Variants in PLAAT1 observed in about 807,000 individuals in gnomAD.
PLAAT1 encodes the protein H-REV107 protein-related protein.
A neutral mutation model predicts 16.4 loss-of-function variants in PLAAT1; 13 were observed. That is an observed-to-expected ratio of 0.79 (90% CI 0.52 to 1.26). PLAAT1 has a LOEUF of 1.26. PLAAT1 is among the 50% of genes most tolerant of loss of function. The probability of loss-of-function intolerance (pLI) is 0.00; values close to 1 mark genes in which losing one functional copy is unlikely to be tolerated. For synonymous variants in PLAAT1, 73 were observed against 78.4 expected, an observed-to-expected ratio of 0.93 and a Z score of 0.36; for missense variants, 218 against 207.8, an observed-to-expected ratio of 1.05 and a Z score of -0.30.
chr3:193,274,859 A>T (rs1054792815), downstream of PLAAT1: 11 of 753,480 alleles, frequency 1.5e-5, no homozygotes, highest in Non-Finnish European at 2.4e-5. Context: ...CTCATTGGTA[A>T]AGCATACAGT....
Position 193,255,717 on chromosome 3 carries a change from G to C in PLAAT1, c.67G>C (p.Val23Leu). The change falls in exon 2 of 4, where the codon GTG becomes CTG. Residue 23 changes from valine (V) to leucine (L), a missense_variant. Val to Leu is a conservative substitution (Grantham distance 32). Coordinates refer to ENST00000264735, the MANE Select transcript of PLAAT1 (RefSeq NM_020386.5). ...CCCCTGCCCAGGGGACTTGATCGAA[G>C]TGTTCCGTCCTGGCTATCAGCACTG... ...GNPCPGDLIE[V>L]FRPGYQHWAL... 2 of 1,613,340 alleles carry C rather than the reference G, an allele frequency of 1.2e-6. No homozygotes were observed. The highest frequency in any genetic ancestry group is 1.7e-6 in the Non-Finnish European group (2 of 1,179,530).
downstream of PLAAT1, among the ~76,000 whole-genome samples, chr3:193,274,325 GT>G (rs1424664248): frequency 6.6e-6 from 1 of 152,172 alleles, no homozygotes; most frequent in Non-Finnish European, 1.5e-5. Context: ...TCTTTTTACA[GT>G]TTATTTCATT....
At position 193,241,329 on chromosome 3, in the gene PLAAT1, A is replaced by C. The variant is rs1577294276; in HGVS notation, c.-205A>C. ...GCGGAGGGGCCGCCGGGACCGTTTCAGCGTGGCGGCGCTGGTGCTGGCGTT... is the reference window on the plus strand; with the variant it reads ...GCGGAGGGGCCGCCGGGACCGTTTCCGCGTGGCGGCGCTGGTGCTGGCGTT... On this transcript the variant is annotated 5_prime_UTR_variant, in exon 1 of 4. Coordinates refer to ENST00000264735, the MANE Select transcript of PLAAT1 (RefSeq NM_020386.5). The C allele has an allele frequency of 4.1e-6, 5 of 1,231,202 alleles. No homozygotes were observed. The highest frequency in any genetic ancestry group is 5.1e-6 in the Non-Finnish European group (5 of 987,718). The allele number at this position is 1,231,202 out of a possible 1,614,324, so 76.3% of individuals were successfully genotyped here.
At chr3:193,276,338 A>G (rs1225224833) in intron 2 of PLAAT1, among the ~76,000 whole-genome samples, 2 of 152,356 alleles carry the variant, frequency 1.3e-5, no homozygotes, top group East Asian at 1.9e-4. Context: ...GGAATTGACT[A>G]GAATAAGCAA....
chr3:193,244,379 A>G (rs1207099926), intron 1 of PLAAT1, among the ~76,000 whole-genome samples: 2 of 152,104 alleles, frequency 1.3e-5, no homozygotes, highest in African/African-American at 2.4e-5. Flanking sequence ...GTTAATGACA[A>G]TGATGACTCT....
At chr3:193,279,336 A>G (rs1209545878), downstream of PLAAT1, 2 of 1,522,470 alleles carry the variant, frequency 1.3e-6, no homozygotes, top group Admixed American at 3.3e-5. Context: ...TACATGAGTC[A>G]TGCCAGATGT....
chr3:193,270,869 G>A (rs1005828183), downstream of PLAAT1: 1 of 1,304,252 alleles, frequency 7.7e-7, no homozygotes, highest in Non-Finnish European at 9.8e-7. Context: ...TTGAGCCAAT[G>A]AAATTTTTTT....
At chr3:193,255,244 A>G (rs1343124768) in intron 1 of PLAAT1, among the ~76,000 whole-genome samples, 1 of 152,130 alleles carries the variant, frequency 6.6e-6, no homozygotes, top group Non-Finnish European at 1.5e-5. Context: ...CAGATATTAT[A>G]TGTTTACTTT....
intron 2 of PLAAT1, among the ~76,000 whole-genome samples, chr3:193,258,670 C>T (rs560092354): frequency 6.6e-6 from 1 of 152,102 alleles, no homozygotes; most frequent in South Asian, 2.1e-4. Flanking sequence ...AATTTTGAAA[C>T]ATACAACCTT....
At position 193,264,597 on chromosome 3, in the gene PLAAT1, G is replaced by A. The variant is rs542223780; in HGVS notation, c.405+1362G>A. 4.6e-5 allele frequency among the ~76,000 whole-genome samples: 7 copies of A among 151,992 alleles called. No individual in the cohort carries two copies. In the East Asian group the frequency reaches 1.4e-3, roughly 29 times the overall value. The stretch of plus-strand genomic sequence containing the variant: ...CAGCTCACTGCAACCTCCGCCTCCT[G>A]GGTTCAGGCTATTCTCCTGCTTCAG... On this transcript the variant is annotated intron_variant, in intron 3 of 3. Coordinates refer to ENST00000264735, the MANE Select transcript of PLAAT1 (RefSeq NM_020386.5).
chr3:193,280,612 C>G (rs1225959303), downstream of PLAAT1, among the ~76,000 whole-genome samples: 13 of 152,150 alleles, frequency 8.5e-5, no homozygotes, highest in Admixed American at 7.9e-4. Flanking sequence ...ATTTTGGGAG[C>G]TAAACTTCCC....
At chr3:193,262,627 A>G (rs1398756626) in intron 2 of PLAAT1, among the ~76,000 whole-genome samples, 13 of 152,204 alleles carry the variant, frequency 8.5e-5, no homozygotes. Context: ...TCTTATCTGT[A>G]TCTATGTTAG....
At chr3:193,280,504 A>G (rs952011933), downstream of PLAAT1, among the ~76,000 whole-genome samples, 2 of 152,230 alleles carry the variant, frequency 1.3e-5, no homozygotes, top group African/African-American at 4.8e-5. Context: ...AAGTGGCTTT[A>G]TCTCTGGTTC....
At chr3:193,262,584 A>C (rs116643337) in intron 2 of PLAAT1, among the ~76,000 whole-genome samples, 1 of 152,252 alleles carries the variant, frequency 6.6e-6, no homozygotes, top group Non-Finnish European at 1.5e-5. Context: ...GATGCTCAGC[A>C]AAAAACTGCC....
downstream of PLAAT1, among the ~76,000 whole-genome samples, chr3:193,279,896 T>G (rs1717402803): frequency 6.8e-6 from 1 of 147,106 alleles, no homozygotes; most frequent in South Asian, 2.1e-4. Context: ...CTGCTCTTCC[T>G]TATGGGCAAT....
intron 1 of PLAAT1, among the ~76,000 whole-genome samples, chr3:193,245,934 C>G (rs1201561049): frequency 2.0e-5 from 3 of 152,120 alleles, no homozygotes; most frequent in Non-Finnish European, 4.4e-5. Context: ...CATGTTAGCC[C>G]CATAGCAAAT....
At chr3:193,268,155 A>C (rs1263578831) in intron 3 of PLAAT1, among the ~76,000 whole-genome samples, 1 of 152,158 alleles carries the variant, frequency 6.6e-6, no homozygotes, top group Non-Finnish European at 1.5e-5. Flanking sequence ...ATTTTTCAAA[A>C]TTTCTAAGAA....
chr3:193,272,651 A>G (rs1560107149), downstream of PLAAT1, among the ~76,000 whole-genome samples: 1 of 152,178 alleles, frequency 6.6e-6, no homozygotes, highest in Non-Finnish European at 1.5e-5. Context: ...AGAACCTCCT[A>G]AGAGCCTCAA....
downstream of PLAAT1, chr3:193,274,893 C>T: frequency 8.6e-7 from 1 of 1,169,582 alleles, no homozygotes; most frequent in Non-Finnish European, 1.2e-6. Flanking sequence ...TCTAAGGTCC[C>T]TTGCTGCAAG....
Sources: allele counts gnomAD v4.1 joint callset (sites outside exome capture counted in the v4.1 genomes callset), GRCh38; gene constraint gnomAD v4.1.1; transcripts MANE v1.5; gene names NCBI Gene and HGNC (gene_info 2026-07-23, HGNC 2026-07-21).